The following ATG7 variants were observed in gnomAD, a reference collection of about 807,000 sequenced individuals.
ATG7 encodes ubiquitin-like modifier-activating enzyme ATG7.
A neutral mutation model predicts 82.4 loss-of-function variants in ATG7; 70 were observed. The observed-to-expected ratio is 0.85, with a 90% CI of 0.70 to 1.04. The LOEUF is 1.04. Ranked by LOEUF, ATG7 falls within the 50% of genes least tolerant of loss-of-function variation. The pLI is 0.00. For missense variants in ATG7, 792 were observed against 864.3 expected, an observed-to-expected ratio of 0.92 and a Z score of 1.05; for synonymous variants, 287 against 313.0, an observed-to-expected ratio of 0.92 and a Z score of 0.88.
At chr3:11,440,357 C>T (rs2083777739) in intron 20 of ATG7, among the ~76,000 whole-genome samples, 1 of 123,664 alleles carries the variant, frequency 8.1e-6, no homozygotes, top group African/African-American at 3.0e-5. Context: ...CGGAGTCTCG[C>T]TCTGTCGCCC....
intron 7 of ATG7, among the ~76,000 whole-genome samples, chr3:11,309,890 T>C (rs926847166): frequency 1.7e-4 from 26 of 152,186 alleles, no homozygotes; most frequent in Admixed American, 6.5e-5. Flanking sequence ...TAAAAAATGC[T>C]AGTCTGGGCA....
At chr3:11,475,907 A>ACACACACACACACACACACCCC (rs766157655) in intron 20 of ATG7, among the ~76,000 whole-genome samples, 1 of 146,252 alleles carries the variant, frequency 6.8e-6, no homozygotes, top group Non-Finnish European at 1.5e-5. Context: ...ACACACACAC[A>ACACACACACACACACACACCCC]CCCCCTCCCA....
chr3:11,411,628 A>AAAAAAAG (rs2080911629), intron 19 of ATG7, among the ~76,000 whole-genome samples: 1 of 84,984 alleles, frequency 1.2e-5, no homozygotes, highest in South Asian at 4.9e-4. Flanking sequence ...CCAAAAAAAA[A>AAAAAAAG]AAAAAAAAAA....
In ATG7 at chr3:11,286,912, ATT is replaced by A. The variant is rs1274370358; in HGVS notation, c.-11+4475_-11+4476del. Among the ~76,000 whole-genome samples, 10 of 6,302 alleles carry A rather than the reference ATT, an allele frequency of 1.6e-3. No individual in the cohort carries two copies. In the Admixed American group the frequency reaches 0.018, roughly 11 times the overall value. The allele number at this position is 6,302 out of a possible 152,430, so 4.1% of individuals were successfully genotyped here. On this transcript the variant is annotated intron_variant, in intron 3 of 20. Coordinates refer to ENST00000693202, the MANE Select transcript of ATG7 (RefSeq NM_001349232.2). ...GAGCCACCGCACCCAACCTTTTTTTATTATTATTATTATTTTATTTTTAAATT... is the reference window on the plus strand; with the variant it reads ...GAGCCACCGCACCCAACCTTTTTTTAATTATTATTATTTTATTTTTAAATT...
intron 20 of ATG7, among the ~76,000 whole-genome samples, chr3:11,429,597 A>G (rs2082680940): frequency 6.6e-6 from 1 of 152,102 alleles, no homozygotes; most frequent in Non-Finnish European, 1.5e-5. Context: ...ATGGTTAGCT[A>G]GAGCCAAGAA....
At chr3:11,380,967 G>A (rs2077853687) in intron 19 of ATG7, among the ~76,000 whole-genome samples, 1 of 152,186 alleles carries the variant, frequency 6.6e-6, no homozygotes, top group African/African-American at 2.4e-5. Flanking sequence ...TATATTTTAT[G>A]GGAAGCACAA....
the ATG7 span, chr3:11,568,604 C>T: frequency 1.3e-6 from 2 of 1,567,524 alleles, no homozygotes; most frequent in Non-Finnish European, 1.7e-6. The surrounding 1 kb of genome is among the most constrained non-coding windows in gnomAD (Gnocchi z 5.9). Flanking sequence ...ACATTACTCA[C>T]ATTTCCAGCT....
At chr3:11,497,081 A>C (rs575449750) in intron 20 of ATG7, among the ~76,000 whole-genome samples, 338 of 151,456 alleles carry the variant, frequency 2.2e-3, no homozygotes, top group South Asian at 4.8e-3. Flanking sequence ...AAACTCATCA[A>C]CTCAAGTGAT....
chr3:11,554,968 G>A lies in ATG7; in HGVS notation c.*125G>A. 4.8e-6 allele frequency: 6 copies of A among 1,249,582 alleles called. No homozygotes were observed. In the South Asian group the frequency reaches 7.4e-5, roughly 16 times the overall value. 77.4% of individuals were successfully genotyped at this position (1,249,582 alleles called of 1,614,324 possible). On this transcript the variant is annotated 3_prime_UTR_variant, in exon 21 of 21. Transcript: ENST00000693202. ...CCCTCCTCCATACCCCGAGGTCTGG[G>A]ATTCCCCCCTCTGCTGCCCAGGAGT...
At chr3:11,408,800 A>G (rs967537098) in intron 19 of ATG7, among the ~76,000 whole-genome samples, 6 of 152,204 alleles carry the variant, frequency 3.9e-5, no homozygotes, top group African/African-American at 9.7e-5. Flanking sequence ...GGTCCTTCCC[A>G]TAACACATTG....
At chr3:11,306,375 A>T (rs1265360396) in intron 5 of ATG7, among the ~76,000 whole-genome samples, 1 of 152,224 alleles carries the variant, frequency 6.6e-6, no homozygotes. Flanking sequence ...AGAAAATATT[A>T]TGCTGAGTTT....
Position 11,554,889 on chromosome 3 carries a change from G to T in ATG7, c.*46G>T. 1 of 1,604,018 alleles carries T rather than the reference G, an allele frequency of 6.2e-7. No homozygotes were observed. ...GACTTCTCCCCGGCCGCCTGCTGAGGAGCTCTCCATCGCCAGAGCAGGACT... is the reference window on the plus strand; with the variant it reads ...GACTTCTCCCCGGCCGCCTGCTGAGTAGCTCTCCATCGCCAGAGCAGGACT... On this transcript the variant is annotated 3_prime_UTR_variant, in exon 21 of 21. Transcript: ENST00000693202.
Position 11,302,567 on chromosome 3 carries a change from A to T in ATG7, c.215+3151A>T, listed in dbSNP as rs553817314. Among the ~76,000 whole-genome samples, 8 of 152,322 alleles carry T rather than the reference A, an allele frequency of 5.3e-5. No individual in the cohort carries two copies. In the South Asian group the frequency reaches 1.7e-3, roughly 32 times the overall value. On this transcript the variant is annotated intron_variant, in intron 5 of 20. Coordinates refer to ENST00000693202, the MANE Select transcript of ATG7 (RefSeq NM_001349232.2). ...CTCCAGAGCTCCTCTACTGTATGAG[A>T]GAGAGAAGTAGAAGGCAAATATTTG...
intron 19 of ATG7, among the ~76,000 whole-genome samples, chr3:11,407,458 A>G (rs1056021225): frequency 6.6e-6 from 1 of 152,182 alleles, no homozygotes; most frequent in Non-Finnish European, 1.5e-5. Flanking sequence ...TGAGGTCTAG[A>G]GGACAGTGGC....
chr3:11,469,200 A>G (rs1377305743), intron 20 of ATG7, among the ~76,000 whole-genome samples: 1 of 152,222 alleles, frequency 6.6e-6, no homozygotes, highest in Non-Finnish European at 1.5e-5. Context: ...CTGTAATCCC[A>G]GCACTTTGGG....
chr3:11,488,940 CTCTTTT>C (rs2090059142), intron 20 of ATG7, among the ~76,000 whole-genome samples: 1 of 152,156 alleles, frequency 6.6e-6, no homozygotes, highest in Non-Finnish European at 1.5e-5. Context: ...GGAGGATTCC[CTCTTTT>C]TCTATTGATT....
chr3:11,529,182 G>A (rs2092645543), intron 20 of ATG7, among the ~76,000 whole-genome samples: 1 of 152,196 alleles, frequency 6.6e-6, no homozygotes, highest in Non-Finnish European at 1.5e-5. Flanking sequence ...CTGACATCCT[G>A]GGGCACCTCC....
At chr3:11,403,016 C>T (rs2079984076) in intron 19 of ATG7, among the ~76,000 whole-genome samples, 2 of 152,120 alleles carry the variant, frequency 1.3e-5, no homozygotes, top group African/African-American at 4.8e-5. Flanking sequence ...TACATTAAGA[C>T]ATATCAAACA....
intron 20 of ATG7, among the ~76,000 whole-genome samples, chr3:11,500,750 C>G (rs574601370): frequency 6.6e-6 from 1 of 152,324 alleles, no homozygotes; most frequent in African/African-American, 2.4e-5. Flanking sequence ...CCTGCCTCAG[C>G]CTCCAGAGTA....
Sources: gnomAD v4.1 joint callset for allele counts (sites outside exome capture counted in the v4.1 genomes callset) on GRCh38, gnomAD v4.1.1 for gene constraint, Gnocchi (gnomAD v3.1) non-coding constraint, MANE v1.5 for transcripts, NCBI Gene and HGNC (gene_info 2026-07-23, HGNC 2026-07-21) for gene names.